Variants in CELF2 observed in about 807,000 individuals in gnomAD.
The protein encoded by CELF2 is CUGBP Elav-like family member 2.
CELF2 carries 8 observed loss-of-function variants against 62.6 expected under a neutral mutation model. That is an observed-to-expected ratio of 0.13 (90% CI 0.07 to 0.23). The LOEUF is 0.23. Ranked by LOEUF, CELF2 falls within the 10% of genes least tolerant of loss-of-function variation. The probability of loss-of-function intolerance (pLI) is 1.00; values close to 1 mark genes in which losing one functional copy is unlikely to be tolerated. For synonymous variants in CELF2, 258 were observed against 250.0 expected (o/e 1.03, Z -0.30); for missense variants, 333 against 671.0 (o/e 0.50, Z 5.56).
At chr10:11,261,157 T>G (rs1353701971) in intron 5 of CELF2, among the ~76,000 whole-genome samples, 3 of 152,196 alleles carry the variant, frequency 2.0e-5, no homozygotes, top group Non-Finnish European at 4.4e-5. Context: ...GCTGAGCGGT[T>G]CACTTTTCTT....
intron 2 of CELF2, among the ~76,000 whole-genome samples, chr10:10,955,809 T>G (rs1019365794): frequency 7.2e-5 from 11 of 152,202 alleles, no homozygotes; most frequent in African/African-American, 1.9e-4. Context: ...GTAGGAAGAT[T>G]CTGTGTTCAT....
At chr10:11,263,966 CTG>C (rs2081455263) in intron 5 of CELF2, among the ~76,000 whole-genome samples, 1 of 152,198 alleles carries the variant, frequency 6.6e-6, no homozygotes, top group African/African-American at 2.4e-5. Context: ...ATAAATGACA[CTG>C]TAATTTTTTT....
chr10:10,781,237 T>C, the CELF2 span, among the ~76,000 whole-genome samples: 24 of 152,236 alleles, frequency 1.6e-4, no homozygotes, highest in Non-Finnish European at 3.1e-4. Flanking sequence ...ATTTTTACCT[T>C]TTTTATGTTT....
At chr10:10,952,252 C>G (rs763696327) in intron 2 of CELF2, 5 of 152,202 alleles carry the variant, frequency 3.3e-5, no homozygotes, top group Non-Finnish European at 7.3e-5. Context: ...TTATCCTTCC[C>G]CCCTGAAGTT....
chr10:11,096,623 G>A (rs955214781), intron 1 of CELF2, among the ~76,000 whole-genome samples: 8 of 152,196 alleles, frequency 5.3e-5, no homozygotes, highest in Non-Finnish European at 1.0e-4. Context: ...GCCAGACTGG[G>A]CATGGGCAAA....
intron 1 of CELF2, among the ~76,000 whole-genome samples, chr10:11,059,687 G>A (rs760463781): frequency 1.2e-4 from 19 of 152,208 alleles, no homozygotes; most frequent in Non-Finnish European, 2.4e-4. Flanking sequence ...TCAGGACAGA[G>A]TATGGAAAAT....
rs2082345229 is a variant in CELF2 at position 11,267,045 on chromosome 10, T to TA, written c.618+370dup. On this transcript the variant is annotated intron_variant, in intron 6 of 12. Coordinates refer to ENST00000633077, the MANE Select transcript of CELF2 (RefSeq NM_001326342.2). The surrounding 1 kb of genome is among the most constrained non-coding windows in gnomAD (Gnocchi z 4.4). ...ACCGGGGTCGGTGCGGATGAAACAG[T>TA]AACAGCCTCCCACCCCAAATTACTG... Among the ~76,000 whole-genome samples the TA allele has an allele frequency of 6.6e-6, 1 of 152,180 alleles. No homozygotes were observed. Among genetic ancestry groups the TA allele is most frequent in the Non-Finnish European group, 1.5e-5 (1 of 68,028 alleles).
chr10:10,652,780 A>G, the CELF2 span, among the ~76,000 whole-genome samples: 1 of 152,142 alleles, frequency 6.6e-6, no homozygotes, highest in Non-Finnish European at 1.5e-5. Flanking sequence ...GCCAAAATGT[A>G]AAGACCATCG....
intron 1 of CELF2, among the ~76,000 whole-genome samples, chr10:11,035,231 C>A (rs1042240231): frequency 6.6e-6 from 1 of 152,160 alleles, no homozygotes; most frequent in Non-Finnish European, 1.5e-5. Context: ...TTTCTCCAAG[C>A]CGTCTTCTTA....
chr10:11,205,843 G>A (rs557672914), intron 2 of CELF2, among the ~76,000 whole-genome samples: 21 of 152,212 alleles, frequency 1.4e-4, no homozygotes, highest in Admixed American at 2.6e-4. Flanking sequence ...CAGTTATAAC[G>A]GCCATAAATA....
At position 11,314,047 on chromosome 10, in the gene CELF2, C is replaced by T. The variant is rs575195019; in HGVS notation, c.977-92C>T. 40 of 1,293,078 alleles carry T rather than the reference C, an allele frequency of 3.1e-5. No individual in the cohort carries two copies. In the East Asian group the frequency reaches 3.5e-4, roughly 11 times the overall value. The allele number at this position is 1,293,078 out of a possible 1,614,324, so 80.1% of individuals were successfully genotyped here. A position where few individuals can be genotyped will look rare whatever the true frequency, so the allele number is the denominator to read the frequency against. On this transcript the variant is annotated intron_variant, in intron 9 of 12. Coordinates refer to ENST00000633077, the MANE Select transcript of CELF2 (RefSeq NM_001326342.2). This position sits in a 1 kb window ranked among gnomAD's most constrained non-coding sequence, Gnocchi z 5.3. Reference sequence around the variant, plus strand: ...AGCCACAAGCACAGCTCCTCAGCTCCGTCCACTGAGATGATGACAGAAGGA... The same window carrying T: ...AGCCACAAGCACAGCTCCTCAGCTCTGTCCACTGAGATGATGACAGAAGGA...
chr10:11,091,039 C>T (rs984122835), intron 1 of CELF2, among the ~76,000 whole-genome samples: 2 of 152,042 alleles, frequency 1.3e-5, no homozygotes, highest in South Asian at 4.1e-4. Flanking sequence ...CATGTGTAGA[C>T]TTAAATATCA....
chr10:10,739,318 T>C, the CELF2 span, among the ~76,000 whole-genome samples: 1 of 152,208 alleles, frequency 6.6e-6, no homozygotes, highest in African/African-American at 2.4e-5. Context: ...TTTGTTTAAT[T>C]GGTTTTGTTT....
chr10:10,601,147 C>A, the CELF2 span, among the ~76,000 whole-genome samples: 1 of 152,214 alleles, frequency 6.6e-6, no homozygotes, highest in Non-Finnish European at 1.5e-5. Flanking sequence ...CCTCTTAGAA[C>A]TCCCCTTCTT....
chr10:11,188,885 C>T (rs2075648293), intron 2 of CELF2, among the ~76,000 whole-genome samples: 4 of 152,120 alleles, frequency 2.6e-5, no homozygotes, highest in Admixed American at 2.0e-4. Flanking sequence ...ATCTTTTCTT[C>T]AGTGTTTAAT....
chr10:10,990,336 A>G lies in CELF2; in HGVS notation c.89+70337A>G, dbSNP rs1226922643. 6.6e-6 allele frequency among the ~76,000 whole-genome samples: 1 copy of G among 152,154 alleles called. No individual in the cohort carries two copies. Among genetic ancestry groups the G allele is most frequent in the Non-Finnish European group, 1.5e-5 (1 of 67,986 alleles). ...AGTTTTATATAAAGAGACAAAGTAT[A>G]TGGATTGAAAATGACTAAAAGGAAA... On this transcript the variant is annotated intron_variant, in intron 2 of 13. Coordinates refer to the CELF2 transcript ENST00000636488. This position sits in a 1 kb window ranked among gnomAD's most constrained non-coding sequence, Gnocchi z 4.6.
the CELF2 span, among the ~76,000 whole-genome samples, chr10:10,745,122 A>AAC: frequency 2.4e-5 from 2 of 84,872 alleles, no homozygotes; most frequent in Non-Finnish European, 5.1e-5. Flanking sequence ...GTAAAAAAAA[A>AAC]AAAAACAAAA....
the CELF2 span, among the ~76,000 whole-genome samples, chr10:10,616,738 G>A: frequency 6.6e-6 from 1 of 151,428 alleles, no homozygotes; most frequent in Admixed American, 6.6e-5. Flanking sequence ...GAGAGAGAGA[G>A]AGAGAGGATC....
At chr10:11,189,009 A>G (rs978597937) in intron 2 of CELF2, among the ~76,000 whole-genome samples, 6 of 152,274 alleles carry the variant, frequency 3.9e-5, no homozygotes, top group Middle Eastern at 3.4e-3. Flanking sequence ...GTCTTGTGGA[A>G]CATACCAAAT....
Sources: gnomAD v4.1 joint callset for allele counts (sites outside exome capture counted in the v4.1 genomes callset) on GRCh38, gnomAD v4.1.1 for gene constraint, Gnocchi (gnomAD v3.1) non-coding constraint, MANE v1.5 for transcripts, NCBI Gene and HGNC (gene_info 2026-07-23, HGNC 2026-07-21) for gene names.